Variants in BBX observed in about 807,000 individuals in gnomAD.
BBX encodes HMG box transcription factor BBX.
BBX carries 30 observed loss-of-function variants against 100.2 expected under a neutral mutation model. The observed-to-expected ratio is 0.30, with a 90% CI of 0.22 to 0.41. The LOEUF is 0.41. Ranked by LOEUF, BBX falls within the 10% of genes least tolerant of loss-of-function variation. The probability of loss-of-function intolerance (pLI) is 1.00; values close to 1 mark genes in which losing one functional copy is unlikely to be tolerated. For synonymous variants in BBX, 376 were observed against 388.1 expected, an observed-to-expected ratio of 0.97 and a Z score of 0.37; for missense variants, 1,023 against 1,129.8, an observed-to-expected ratio of 0.91 and a Z score of 1.35.
chr3:107,562,335 CAT>C (rs2050562861), intron 2 of BBX, among the ~76,000 whole-genome samples: 1 of 152,064 alleles, frequency 6.6e-6, no homozygotes, highest in South Asian at 2.1e-4. Flanking sequence ...ATGCCTTGAA[CAT>C]GTGTTTTATA....
At chr3:107,615,074 G>T (rs1408740866) in intron 2 of BBX, among the ~76,000 whole-genome samples, 1 of 152,132 alleles carries the variant, frequency 6.6e-6, no homozygotes, top group Non-Finnish European at 1.5e-5. Flanking sequence ...CAGTCTGTTT[G>T]CCAGGAGGAA....
At chr3:107,645,110 T>G (rs1261323412) in intron 2 of BBX, among the ~76,000 whole-genome samples, 1 of 152,156 alleles carries the variant, frequency 6.6e-6, no homozygotes, top group Non-Finnish European at 1.5e-5. Context: ...GTGGATTTAG[T>G]TTCACCACTG....
chr3:107,539,369 G>A (rs1396871034), intron 2 of BBX, among the ~76,000 whole-genome samples: 1 of 152,116 alleles, frequency 6.6e-6, no homozygotes, highest in Non-Finnish European at 1.5e-5. Context: ...TGTGTTGCAG[G>A]GATGGTGAGT....
chr3:107,678,355 G>A (rs1276262207), intron 3 of BBX, among the ~76,000 whole-genome samples: 1 of 151,956 alleles, frequency 6.6e-6, no homozygotes, highest in Non-Finnish European at 1.5e-5. Flanking sequence ...CACAACATCT[G>A]GTTAATAGTA....
intron 3 of BBX, among the ~76,000 whole-genome samples, chr3:107,690,948 G>A (rs574029743): frequency 1.6e-3 from 196 of 118,914 alleles, no homozygotes; most frequent in African/African-American, 6.3e-3. Flanking sequence ...TACCCAGGCT[G>A]AAGTGCAATA....
At chr3:107,549,314 A>T (rs2049481752) in intron 2 of BBX, among the ~76,000 whole-genome samples, 1 of 152,138 alleles carries the variant, frequency 6.6e-6, no homozygotes, top group Non-Finnish European at 1.5e-5. Flanking sequence ...GTGGGGGAAA[A>T]CAGAAAATAA....
At chr3:107,692,170 TTTTATTTATTTA>T (rs201883262) in intron 3 of BBX, among the ~76,000 whole-genome samples, 48 of 148,120 alleles carry the variant, frequency 3.2e-4, no homozygotes, top group Non-Finnish European at 3.7e-4. Context: ...TTTTTAATTA[TTTTATTTATTTA>T]TTTATTTATT....
chr3:107,643,256 G>A (rs1002504388), intron 2 of BBX, among the ~76,000 whole-genome samples: 7 of 152,150 alleles, frequency 4.6e-5, no homozygotes, highest in African/African-American at 1.7e-4. Context: ...GTGTGTCAGT[G>A]GTGGTTTAGG....
At chr3:107,643,524 T>A (rs552790865) in intron 2 of BBX, among the ~76,000 whole-genome samples, 2 of 150,624 alleles carry the variant, frequency 1.3e-5, no homozygotes, top group African/African-American at 2.4e-5. Flanking sequence ...TCTGTGGGGG[T>A]GATTGGGGGT....
intron 6 of BBX, 50 bp downstream of exon 6, chr3:107,729,010 T>A (rs3761963): frequency 0.4 from 623,906 of 1,555,238 alleles, 133,139 homozygotes; most frequent in East Asian, 0.89. Flanking sequence ...GGGCAATACA[T>A]TTCGGCAGCA....
At chr3:107,569,503 T>C (rs1275474115) in intron 2 of BBX, among the ~76,000 whole-genome samples, 2 of 152,086 alleles carry the variant, frequency 1.3e-5, no homozygotes, top group South Asian at 2.1e-4. Flanking sequence ...GGCCGTTTTA[T>C]AGGATTTGGG....
chr3:107,584,016 C>T (rs1203744152), intron 2 of BBX, among the ~76,000 whole-genome samples: 13 of 60,246 alleles, frequency 2.2e-4, no homozygotes, highest in Non-Finnish European at 3.2e-4. Flanking sequence ...ATATATTATA[C>T]ATATTATTAT....
intron 2 of BBX, among the ~76,000 whole-genome samples, chr3:107,542,728 C>T (rs1576236894): frequency 1.3e-5 from 2 of 152,128 alleles, no homozygotes; most frequent in Non-Finnish European, 2.9e-5. Flanking sequence ...GGTCATTCTT[C>T]TGGTAAATGG....
intron 3 of BBX, among the ~76,000 whole-genome samples, chr3:107,704,047 G>A (rs1359408428): frequency 2.0e-5 from 3 of 152,082 alleles, no homozygotes; most frequent in African/African-American, 7.2e-5. Flanking sequence ...CTTTGAGCTG[G>A]GTTTCCTGGG....
At chr3:107,779,034 CACAT>C (rs72223475) in intron 13 of BBX, among the ~76,000 whole-genome samples, 9 of 94,596 alleles carry the variant, frequency 9.5e-5, no homozygotes, top group East Asian at 9.0e-4. Context: ...CACACACACA[CACAT>C]ATACATTGGT....
At chr3:107,596,093 T>C (rs2053650097) in intron 2 of BBX, among the ~76,000 whole-genome samples, 1 of 152,242 alleles carries the variant, frequency 6.6e-6, no homozygotes, top group Non-Finnish European at 1.5e-5. Flanking sequence ...AATCTGTGTG[T>C]AAGTGGAATC....
At chr3:107,650,115 G>A (rs1212234281) in intron 3 of BBX, among the ~76,000 whole-genome samples, 2 of 152,082 alleles carry the variant, frequency 1.3e-5, no homozygotes, top group Admixed American at 1.3e-4. Flanking sequence ...CCAGTGTGAA[G>A]GTTTAATTAA....
rs370748772 is a variant in BBX, at chr3:107,650,184, A to G, written c.-10+4275A>G. Among the ~76,000 whole-genome samples, 5 of 152,244 alleles carry G rather than the reference A, an allele frequency of 3.3e-5. No homozygotes were observed. The South Asian group carries it at 1.0e-3, about 32-fold the overall frequency. On this transcript the variant is annotated intron_variant, in intron 3 of 17. Transcript: ENST00000325805. ...CTGGGCCTCGGACTGGTACTGGTCC[A>G]TGGCCTGTTAGGAACCAGGTTGCAC...
chr3:107,757,771 G>A (rs947313968), intron 10 of BBX, among the ~76,000 whole-genome samples: 3 of 151,872 alleles, frequency 2.0e-5, no homozygotes, highest in Admixed American at 1.3e-4. Context: ...AAAATATAAC[G>A]TTTAATTATT....
Sources: allele counts gnomAD v4.1 joint callset (sites outside exome capture counted in the v4.1 genomes callset), GRCh38; gene constraint gnomAD v4.1.1; transcripts MANE v1.5; gene names NCBI Gene and HGNC (gene_info 2026-07-23, HGNC 2026-07-21).